The following ZNF280D variants were observed in gnomAD, a reference collection of about 807,000 sequenced individuals.
The protein encoded by ZNF280D is suppressor of hairy wing homolog 4.
Under a neutral mutation model 94.7 loss-of-function variants are expected in ZNF280D, and 39 were observed. The ratio of observed to expected loss-of-function variants is 0.41; its 90% CI spans 0.32 to 0.54. The LOEUF is 0.54. Ranked by LOEUF, ZNF280D falls within the 20% of genes least tolerant of loss-of-function variation. The pLI, the probability that ZNF280D is intolerant of heterozygous loss-of-function variation, is 0.22. For missense variants in ZNF280D, 1,090 were observed against 1,149.3 expected, an observed-to-expected ratio of 0.95 and a Z score of 0.75; for synonymous variants, 398 against 377.6, an observed-to-expected ratio of 1.05 and a Z score of -0.63.
At chr15:56,677,702 A>G (rs761233544) in intron 11 of ZNF280D, 28 bp from the exon 12 acceptor site, 1 of 990,214 alleles carries the variant, frequency 1.0e-6, no homozygotes, top group South Asian at 2.1e-5. Context: ...ACAGTATAAT[A>G]ATATTTAAGA....
Position 56,682,292 on chromosome 15 carries a change from T to C in ZNF280D, c.966A>G (p.Lys322=), listed in dbSNP as rs754542224. The C allele has an allele frequency of 6.3e-7, 1 of 1,584,440 alleles. No individual in the cohort carries two copies. The highest frequency in any genetic ancestry group is 1.2e-5 in the South Asian group (1 of 84,758). ...QEEQKTHTTF[K]CFSCLKILKN... is the part of the protein sequence containing the mutation. ...TTAGAATTTTCAAGCAACTGAAGCA[T>C]TTAAAGGTTGTGTGAGTCTTCTGTT... Residue 322 remains lysine (K), a synonymous_variant, in exon 10 of 22, where the codon AAA becomes AAG. Transcript: ENST00000267807.
At chr15:56,686,184 G>C (rs1179962717) in intron 9 of ZNF280D, among the ~76,000 whole-genome samples, 1 of 152,106 alleles carries the variant, frequency 6.6e-6, no homozygotes, top group Non-Finnish European at 1.5e-5. Context: ...TGTTACCCAG[G>C]CTGGAGGGCA....
At chr15:56,704,888 C>T (rs1430456758) in intron 3 of ZNF280D, among the ~76,000 whole-genome samples, 1 of 152,000 alleles carries the variant, frequency 6.6e-6, no homozygotes, top group Non-Finnish European at 1.5e-5. Flanking sequence ...GAGGCTGAGT[C>T]AGGAGAATCG....
intron 13 of ZNF280D, among the ~76,000 whole-genome samples, chr15:56,675,178 T>C (rs2055134469): frequency 6.6e-6 from 1 of 152,030 alleles, no homozygotes; most frequent in Admixed American, 6.6e-5. Context: ...AACTTGCTTA[T>C]AAATCACACA....
At chr15:56,723,123 C>G (rs1223652258) in intron 1 of ZNF280D, among the ~76,000 whole-genome samples, 1 of 151,902 alleles carries the variant, frequency 6.6e-6, no homozygotes, top group East Asian at 1.9e-4. Context: ...GATACACCTA[C>G]TGCTAGATGA....
At chr15:56,662,191 G>A (rs2053985660) in intron 16 of ZNF280D, among the ~76,000 whole-genome samples, 1 of 151,292 alleles carries the variant, frequency 6.6e-6, no homozygotes, top group African/African-American at 2.4e-5. Context: ...AGATTATAGA[G>A]CAATTTATGT....
intron 19 of ZNF280D, among the ~76,000 whole-genome samples, chr15:56,643,995 T>A (rs2140568049): frequency 6.6e-6 from 1 of 152,090 alleles, no homozygotes; most frequent in Non-Finnish European, 1.5e-5. Flanking sequence ...TCCTTCTTCA[T>A]CCATCCTTTG....
intron 17 of ZNF280D, chr15:56,654,911 A>G: frequency 2.4e-6 from 1 of 425,182 alleles, no homozygotes; most frequent in Non-Finnish European, 4.8e-6. Flanking sequence ...ATACTGTACT[A>G]CTAGGTATTG....
At chr15:56,659,346 G>T (rs1327219350) in intron 16 of ZNF280D, among the ~76,000 whole-genome samples, 1 of 151,966 alleles carries the variant, frequency 6.6e-6, no homozygotes, top group Non-Finnish European at 1.5e-5. Context: ...TAGACCAAAA[G>T]TGTAAATATC....
At chr15:56,641,540 C>T (rs1298622011) in intron 20 of ZNF280D, among the ~76,000 whole-genome samples, 1 of 151,816 alleles carries the variant, frequency 6.6e-6, no homozygotes, top group Non-Finnish European at 1.5e-5. Context: ...CGTTTTTAGA[C>T]CAGACAAGAA....
At chr15:56,714,095 CT>C (rs1460210840) in intron 1 of ZNF280D, among the ~76,000 whole-genome samples, 1 of 152,084 alleles carries the variant, frequency 6.6e-6, no homozygotes, top group Non-Finnish European at 1.5e-5. Flanking sequence ...TCAATACTTC[CT>C]TTTGTGCCTC....
At chr15:56,650,467 C>G (rs1250966686) in intron 19 of ZNF280D, among the ~76,000 whole-genome samples, 1 of 152,096 alleles carries the variant, frequency 6.6e-6, no homozygotes, top group Admixed American at 6.6e-5. Flanking sequence ...GGTCCTTTAA[C>G]TCTAATATTT....
chr15:56,644,396 G>A (rs1291698415), intron 19 of ZNF280D, among the ~76,000 whole-genome samples: 3 of 152,008 alleles, frequency 2.0e-5, no homozygotes, highest in African/African-American at 7.2e-5. Flanking sequence ...AATTAGTTAT[G>A]AAGTACTAAG....
Position 56,654,254 on chromosome 15 carries a change from T to G in ZNF280D, c.2177-20A>C. 1 of 1,609,866 alleles carries G rather than the reference T, an allele frequency of 6.2e-7. No homozygotes were observed. Among genetic ancestry groups the G allele is most frequent in the Non-Finnish European group, 8.5e-7 (1 of 1,178,900 alleles). On this transcript the variant is annotated intron_variant, in intron 18 of 21. Transcript: ENST00000267807. ...CAGAAACTGAAATTAGAAGAAAAGTTTTACATTTACAACAGCATATGAAAT... is the reference window on the plus strand; with the variant it reads ...CAGAAACTGAAATTAGAAGAAAAGTGTTACATTTACAACAGCATATGAAAT...
At chr15:56,675,294 C>T (rs1264699524) in intron 13 of ZNF280D, among the ~76,000 whole-genome samples, 1 of 151,986 alleles carries the variant, frequency 6.6e-6, no homozygotes, top group African/African-American at 2.4e-5. Context: ...TGTTTAAAAA[C>T]CCCATCGTGA....
intron 1 of ZNF280D, among the ~76,000 whole-genome samples, chr15:56,711,995 T>C (rs1406130559): frequency 1.3e-5 from 2 of 152,146 alleles, no homozygotes; most frequent in East Asian, 1.9e-4. Flanking sequence ...AATTTTTCAG[T>C]CCATTATAAT....
intron 21 of ZNF280D, 41 bp from the exon 22 acceptor site, chr15:56,632,163 C>A (rs1395456875): frequency 1.4e-6 from 2 of 1,458,526 alleles, no homozygotes; most frequent in Non-Finnish European, 1.8e-6. Context: ...CTTCATAAAG[C>A]AATGTTTTTG....
At chr15:56,673,574 C>A (rs1322406679) in intron 13 of ZNF280D, among the ~76,000 whole-genome samples, 1 of 152,044 alleles carries the variant, frequency 6.6e-6, no homozygotes, top group Admixed American at 6.6e-5. Flanking sequence ...TCCATAGCTG[C>A]CAGTAATAAA....
At chr15:56,719,569 T>C (rs1207600117) in intron 1 of ZNF280D, among the ~76,000 whole-genome samples, 1 of 152,084 alleles carries the variant, frequency 6.6e-6, no homozygotes, top group African/African-American at 2.4e-5. Flanking sequence ...CTCAGGTATT[T>C]ATTTATAAGA....
Sources: allele counts gnomAD v4.1 joint callset (sites outside exome capture counted in the v4.1 genomes callset), GRCh38; gene constraint gnomAD v4.1.1; transcripts MANE v1.5; gene names NCBI Gene and HGNC (gene_info 2026-07-23, HGNC 2026-07-21).